The following CTNNA1 variants were observed in gnomAD, a reference collection of about 807,000 sequenced individuals.
CTNNA1 encodes catenin alpha-1.
A neutral mutation model predicts 98.4 loss-of-function variants in CTNNA1; 37 were observed. That is an observed-to-expected ratio of 0.38 (90% CI 0.29 to 0.49). The LOEUF is 0.49. CTNNA1 is among the 20% of genes least tolerant of loss of function. The pLI, the probability that CTNNA1 is intolerant of heterozygous loss-of-function variation, is 0.95. For missense variants in CTNNA1, 761 were observed against 1,147.2 expected, an observed-to-expected ratio of 0.66 and a Z score of 4.86; for synonymous variants, 404 against 413.2, an observed-to-expected ratio of 0.98 and a Z score of 0.27.
intron 4 of CTNNA1, among the ~76,000 whole-genome samples, chr5:138,810,827 G>A (rs979677868): frequency 1.2e-4 from 19 of 152,270 alleles, no homozygotes; most frequent in Non-Finnish European, 2.2e-4. Flanking sequence ...ACGGGGTTTC[G>A]GCCGGGCAGA....
intron 10 of CTNNA1, among the ~76,000 whole-genome samples, chr5:138,912,376 TAGA>T (rs150722363): frequency 0.017 from 2,523 of 152,174 alleles, 74 homozygotes; most frequent in African/African-American, 0.059. Context: ...CCCAACACCT[TAGA>T]AGAAGATGAG....
At chr5:138,906,217 T>C (rs1759225282) in intron 10 of CTNNA1, among the ~76,000 whole-genome samples, 1 of 152,180 alleles carries the variant, frequency 6.6e-6, no homozygotes, top group African/African-American at 2.4e-5. Context: ...CCATTGTGAA[T>C]TCACATCATC....
At chr5:138,895,745 A>G (rs959653914) in intron 9 of CTNNA1, among the ~76,000 whole-genome samples, 1 of 152,196 alleles carries the variant, frequency 6.6e-6, no homozygotes, top group Non-Finnish European at 1.5e-5. Flanking sequence ...ATTTTTTACA[A>G]TGTAGTAGAA....
intron 3 of CTNNA1, among the ~76,000 whole-genome samples, chr5:138,800,381 A>G (rs1757446031): frequency 6.6e-6 from 1 of 152,202 alleles, no homozygotes; most frequent in Admixed American, 6.5e-5. Context: ...AGAGTTGAAG[A>G]ATTTAATGCC....
Position 138,934,079 on chromosome 5 carries a change from A to G in CTNNA1, c.2711A>G (p.Asp904Gly). The G allele has an allele frequency of 6.2e-7, 1 of 1,612,058 alleles. No homozygotes were observed. The highest frequency in any genetic ancestry group is 8.5e-7 in the Non-Finnish European group (1 of 1,179,674). The change falls in exon 18 of 18, where the codon GAC becomes GGC. Residue 904 changes from aspartate to glycine, a missense_variant. This residue lies in a region of CTNNA1 where 57 missense variants were observed against 90.9 expected (regional missense o/e 0.63). Coordinates refer to ENST00000302763, the MANE Select transcript of CTNNA1 (RefSeq NM_001903.5). ...VQALSEFKAM[D>G]SI Reference sequence around the variant, plus strand: ...GCCCTCAGCGAGTTCAAAGCTATGGACAGCATCTAAGTCTGCCCAGGCCGG... The same window carrying G: ...GCCCTCAGCGAGTTCAAAGCTATGGGCAGCATCTAAGTCTGCCCAGGCCGG...
At chr5:138,855,316 C>T (rs953926135) in intron 7 of CTNNA1, among the ~76,000 whole-genome samples, 2 of 152,232 alleles carry the variant, frequency 1.3e-5, no homozygotes, top group African/African-American at 2.4e-5. Flanking sequence ...TGATTATAGG[C>T]GTGAGCCACC....
chr5:138,817,912 C>A (rs548678855), intron 5 of CTNNA1, among the ~76,000 whole-genome samples: 1 of 151,904 alleles, frequency 6.6e-6, no homozygotes, highest in Non-Finnish European at 1.5e-5. Context: ...GACAGACTTT[C>A]GCTGTCATCT....
intron 7 of CTNNA1, among the ~76,000 whole-genome samples, chr5:138,853,603 CT>C: frequency 6.6e-6 from 1 of 152,054 alleles, no homozygotes; most frequent in East Asian, 1.9e-4. Context: ...GTCTTTCTCA[CT>C]TAGATTACTT....
intron 5 of CTNNA1, among the ~76,000 whole-genome samples, chr5:138,815,431 A>G (rs1759335838): frequency 6.6e-6 from 1 of 151,960 alleles, no homozygotes; most frequent in Admixed American, 6.5e-5. Flanking sequence ...TGGGAGCACC[A>G]GCAGGAGGTC....
chr5:138,932,296 TAGG>T, intron 16 of CTNNA1: 2 of 1,197,458 alleles, frequency 1.7e-6, no homozygotes, highest in Non-Finnish European at 2.1e-6. Context: ...CCCGCCGTCA[TAGG>T]AGGGAAGTCA....
At chr5:138,769,180 C>G (rs1296081675) in intron 1 of CTNNA1, among the ~76,000 whole-genome samples, 24 of 151,942 alleles carry the variant, frequency 1.6e-4, no homozygotes, top group Non-Finnish European at 1.5e-5. Context: ...GTGTGAGCCA[C>G]TGAGCCTGGC....
At chr5:138,864,708 G>C (rs1764578814) in intron 7 of CTNNA1, among the ~76,000 whole-genome samples, 3 of 152,214 alleles carry the variant, frequency 2.0e-5, no homozygotes, top group Admixed American at 1.3e-4. Context: ...GCTCTCACTT[G>C]TATAATTTTG....
intron 1 of CTNNA1, among the ~76,000 whole-genome samples, chr5:138,756,355 T>C (rs1751648073): frequency 6.6e-6 from 1 of 151,862 alleles, no homozygotes; most frequent in Admixed American, 6.6e-5. Context: ...TTAGCAGAGA[T>C]GGGGTTTCAT....
At chr5:138,860,569 C>T (rs545817812) in intron 7 of CTNNA1, among the ~76,000 whole-genome samples, 24 of 152,242 alleles carry the variant, frequency 1.6e-4, no homozygotes, top group Middle Eastern at 3.4e-3. Flanking sequence ...AGTCTCAGCT[C>T]GCTGCATCCT....
intron 7 of CTNNA1, among the ~76,000 whole-genome samples, chr5:138,841,039 C>T (rs1026684955): frequency 1.6e-4 from 24 of 152,070 alleles, no homozygotes; most frequent in Non-Finnish European, 1.6e-4. Context: ...TTCAGACCTG[C>T]TGTGTTGAAA....
In CTNNA1 at chr5:138,852,130, G is replaced by T. The variant is rs1763245820; in HGVS notation, c.1062+24412G>T. ...TAACATGGGTGCTACCCAATTAGTA[G>T]TGCTATAGTTCTGGAGCAGGATTTT... On this transcript the variant is annotated intron_variant, in intron 7 of 17. Transcript: ENST00000302763. Among the ~76,000 whole-genome samples the T allele has an allele frequency of 2.0e-5, 3 of 152,266 alleles. No homozygotes were observed. The South Asian group carries it at 6.2e-4, about 32-fold the overall frequency.
intron 1 of CTNNA1, among the ~76,000 whole-genome samples, chr5:138,761,684 A>G (rs1297829461): frequency 6.6e-6 from 1 of 152,128 alleles, no homozygotes; most frequent in African/African-American, 2.4e-5. Flanking sequence ...AAAAACATGA[A>G]CCCAATTATT....
chr5:138,840,421 T>C (rs564242332), intron 7 of CTNNA1, among the ~76,000 whole-genome samples: 6 of 152,356 alleles, frequency 3.9e-5, no homozygotes, highest in African/African-American at 1.4e-4. Context: ...ATGCCATGTT[T>C]GGTGTGAACG....
chr5:138,847,041 T>C (rs1460899184), intron 7 of CTNNA1, among the ~76,000 whole-genome samples: 1 of 152,222 alleles, frequency 6.6e-6, no homozygotes, highest in Non-Finnish European at 1.5e-5. Flanking sequence ...GTTGGGTATT[T>C]TGGTTGAAAT....
Sources: allele counts gnomAD v4.1 joint callset (sites outside exome capture counted in the v4.1 genomes callset), GRCh38; gene constraint gnomAD v4.1.1; regional missense constraint gnomAD v4.1.1; transcripts MANE v1.5; gene names NCBI Gene and HGNC (gene_info 2026-07-23, HGNC 2026-07-21).